CHD8: variants seen among roughly 807,000 people sequenced by gnomAD.
The protein encoded by CHD8 is ATP-dependent chromatin remodeler CHD8.
In CHD8, 31 loss-of-function variants were observed where a neutral mutation model predicts 279.2. The observed-to-expected ratio is 0.11, with a 90% CI of 0.08 to 0.15. The LOEUF is 0.15. Ranked by LOEUF, CHD8 falls within the 10% of genes least tolerant of loss-of-function variation. The pLI, the probability that CHD8 is intolerant of heterozygous loss-of-function variation, is 1.00. For synonymous variants in CHD8, 1,081 were observed against 1,139.6 expected (o/e 0.95, Z 1.04); for missense variants, 2,146 against 3,230.5 (o/e 0.66, Z 8.14).
At chr14:21,398,697 G>A (rs1415148807) in intron 26 of CHD8, 1 of 152,236 alleles carries the variant, frequency 6.6e-6, no homozygotes, top group Non-Finnish European at 1.5e-5. Context: ...CCTGGGATTT[G>A]GCATTAGGCA....
At chr14:21,389,059 T>C (rs1164568614) in intron 37 of CHD8, among the ~76,000 whole-genome samples, 3 of 151,620 alleles carry the variant, frequency 2.0e-5, no homozygotes, top group Non-Finnish European at 2.9e-5. Flanking sequence ...CCCAACACTT[T>C]GGGAGGCTGA....
chr14:21,397,852 C>T lies in CHD8; in HGVS notation c.5022G>A (p.Val1674=). ...CTACTATGTCAGAGAAGTTATCCAA[C>T]ACTCGATGTTCTGCTGCAATTGCTT... ...DDKAIAAEHR[V]LDNFSDIVEG... The change falls in exon 27 of 38, where the codon GTG becomes GTA. Residue 1674 remains valine (V), a synonymous_variant. Transcript: ENST00000646647. 6.2e-7 allele frequency: 1 copy of T among 1,613,630 alleles called. No homozygotes were observed. Among genetic ancestry groups the T allele is most frequent in the Non-Finnish European group, 8.5e-7 (1 of 1,179,728 alleles).
intron 9 of CHD8, 152 bp downstream of exon 9, chr14:21,414,149 G>C (rs139436038): frequency 4.0e-5 from 24 of 596,722 alleles, no homozygotes; most frequent in African/African-American, 3.0e-4. Context: ...TGCAAGGGCA[G>C]TTAAGTAAGG....
In CHD8 at chr14:21,385,769, C is replaced by G; in HGVS notation, c.7590G>C (p.Arg2530=). 1 of 1,550,804 alleles carries G rather than the reference C, an allele frequency of 6.4e-7. No homozygotes were observed. Among genetic ancestry groups the G allele is most frequent in the Non-Finnish European group, 8.7e-7 (1 of 1,146,808 alleles). ...CCTCCTCAGGTTGCAGTGGTGGCAA[C>G]CGCAAGGTAGTACCAGAGGCGGTAG... is the stretch of plus-strand genomic sequence containing the variant. ...PVTTASGTTL[R]LPPLQPEEDD... Residue 2530 remains arginine (R), a synonymous_variant, in exon 38 of 38, where the codon CGG becomes CGC. Coordinates refer to ENST00000646647, the MANE Select transcript of CHD8 (RefSeq NM_001170629.2).
chr14:21,385,562 A>T lies in CHD8; in HGVS notation c.*51T>A. The T allele has an allele frequency of 1.3e-6, 2 of 1,515,862 alleles. No individual in the cohort carries two copies. Among genetic ancestry groups the T allele is most frequent in the Non-Finnish European group, 1.8e-6 (2 of 1,131,134 alleles). The allele number at this position is 1,515,862 out of a possible 1,614,324, so 93.9% of individuals were successfully genotyped here. On this transcript the variant is annotated 3_prime_UTR_variant, in exon 38 of 38. Coordinates refer to ENST00000646647, the MANE Select transcript of CHD8 (RefSeq NM_001170629.2). ...CACGTTTCCATAGTCCAAGGGCCAG[A>T]GTAAATGAAAATACAGCAGCCGCCC...
rs1404291956 is a variant in CHD8, at chr14:21,415,510, T to A, written c.1968+64A>T. 13 of 781,602 alleles carry A rather than the reference T, an allele frequency of 1.7e-5. No homozygotes were observed. In the African/African-American group the frequency reaches 2.1e-4, roughly 13 times the overall value. 48.4% of individuals were successfully genotyped at this position (781,602 alleles called of 1,614,324 possible). A position where few individuals can be genotyped will look rare whatever the true frequency, so the allele number is the denominator to read the frequency against. On this transcript the variant is annotated intron_variant, in intron 7 of 37. Transcript: ENST00000646647. ...ACACAGTTAGACTCTATTTCAAAAATAAATAAATAAATAAATAAATAAATA... is the reference window on the plus strand; with the variant it reads ...ACACAGTTAGACTCTATTTCAAAAAAAAATAAATAAATAAATAAATAAATA...
chr14:21,411,968 G>A (rs1310375137), intron 10 of CHD8, among the ~76,000 whole-genome samples: 1 of 151,736 alleles, frequency 6.6e-6, no homozygotes, highest in Non-Finnish European at 1.5e-5. Flanking sequence ...GGAGGCTGAG[G>A]CATGAGAATT....
In CHD8 at chr14:21,409,738, T is replaced by G. The variant is rs1594352679; in HGVS notation, c.2364+113A>C. 4 of 988,864 alleles carry G rather than the reference T, an allele frequency of 4.0e-6. No homozygotes were observed. In the East Asian group the frequency reaches 9.7e-5, roughly 24 times the overall value. 61.3% of individuals were successfully genotyped at this position (988,864 alleles called of 1,614,324 possible). A position where few individuals can be genotyped will look rare whatever the true frequency, so the allele number is the denominator to read the frequency against. ...GTACATTATACCATTTCTTCGATTT[T>G]TATATGTTTGAAATTTCCATAATAA... On this transcript the variant is annotated intron_variant, in intron 11 of 37. Coordinates refer to ENST00000646647, the MANE Select transcript of CHD8 (RefSeq NM_001170629.2).
intron 14 of CHD8, among the ~76,000 whole-genome samples, chr14:21,406,312 A>G (rs111272195): frequency 0.032 from 4,809 of 152,290 alleles, 249 homozygotes; most frequent in African/African-American, 0.11. Flanking sequence ...GAATGTAGCA[A>G]AAGTGACACT....
chr14:21,405,194 C>CA lies in CHD8; in HGVS notation c.3307+14dup. The CA allele has an allele frequency of 1.2e-6, 2 of 1,612,584 alleles. No homozygotes were observed. Among genetic ancestry groups the CA allele is most frequent in the Non-Finnish European group, 1.7e-6 (2 of 1,178,974 alleles). ...GTACTACAGAAGTTCAGGTATATAC[C>CA]AAGCATTCCCTCACCATTGATGAGA... On this transcript the variant is annotated intron_variant, in intron 16 of 37. Coordinates refer to ENST00000646647, the MANE Select transcript of CHD8 (RefSeq NM_001170629.2). This position sits in a 1 kb window ranked among gnomAD's most constrained non-coding sequence, Gnocchi z 4.2.
Position 21,401,424 on chromosome 14 carries a change from G to T in CHD8, c.4152C>A (p.Asp1384Glu). 1 of 1,597,960 alleles carries T rather than the reference G, an allele frequency of 6.3e-7. No homozygotes were observed. The highest frequency in any genetic ancestry group is 8.5e-7 in the Non-Finnish European group (1 of 1,171,502). ...TCACCTTGCTGTTGAGCAGATCCATGTCTAGGTCAGCCTTTTTGGCCCACT... is the reference window on the plus strand; with the variant it reads ...TCACCTTGCTGTTGAGCAGATCCATTTCTAGGTCAGCCTTTTTGGCCCACT... ...WQKWAKKADLDMDLLNSKNNL... is the reference protein window; with the variant it reads ...WQKWAKKADLEMDLLNSKNNL... The change falls in exon 21 of 38, where the codon GAC (aspartate) becomes GAA (glutamate). Residue 1384 changes from aspartate (D) to glutamate (E), a missense_variant. This residue lies in a region of CHD8 where 74 missense variants were observed against 91.5 expected (regional missense o/e 0.81). Transcript: ENST00000646647.
At chr14:21,407,514 A>G (rs1888300747) in intron 13 of CHD8, among the ~76,000 whole-genome samples, 2 of 152,388 alleles carry the variant, frequency 1.3e-5, no homozygotes, top group South Asian at 4.1e-4. Context: ...GAAATAAAAA[A>G]AAGAAAACTA....
At chr14:21,426,501 C>T in intron 4 of CHD8, 3 of 388,160 alleles carry the variant, frequency 7.7e-6, no homozygotes, top group Non-Finnish European at 9.2e-6. Context: ...AGGAAGGTAG[C>T]ACAAGATAGG....
In CHD8 at chr14:21,431,267, T is replaced by C. The variant is rs1297005540; in HGVS notation, c.377A>G (p.Gln126Arg). The C allele has an allele frequency of 1.3e-6, 2 of 1,590,732 alleles. No homozygotes were observed. Among genetic ancestry groups the C allele is most frequent in the East Asian group, 2.2e-5 (1 of 44,578 alleles). ...TSGLLQVSKS[Q>R]EILSQGNPFM... ...AGGATTCCCTTGGCTCAGGATCTCC[T>C]GGCTCTTGGAGACTTGCAAAAGTCC... The change falls in exon 2 of 38, where the codon CAG becomes CGG. Residue 126 changes from glutamine (Q) to arginine (R), a missense_variant. By Grantham distance (43) the Gln-to-Arg change is conservative. Around this residue, in one of 26 missense-constraint regions of CHD8, gnomAD observed 302 missense variants for 325.5 expected, o/e 0.93. Transcript: ENST00000646647.
chr14:21,407,744 G>A (rs2139480271), intron 13 of CHD8, among the ~76,000 whole-genome samples: 1 of 152,118 alleles, frequency 6.6e-6, no homozygotes, highest in African/African-American at 2.4e-5. Context: ...GAATAGCTGG[G>A]ATTACAGGTG....
intron 2 of CHD8, 35 bp from the exon 3 acceptor site, chr14:21,429,370 A>G (rs749159202): frequency 1.3e-6 from 2 of 1,598,576 alleles, no homozygotes; most frequent in Non-Finnish European, 1.7e-6. Flanking sequence ...AGAGTACAAC[A>G]TTAAAGAATG....
rs867856476 is a variant in CHD8, at chr14:21,440,571, A to G, written c.-215-8713T>C. On this transcript the variant is annotated intron_variant, in intron 1 of 37. Coordinates refer to ENST00000646647, the MANE Select transcript of CHD8 (RefSeq NM_001170629.2). The stretch of plus-strand genomic sequence containing the variant: ...GTGGGAGGGAAAGGTGGGCTGTAAG[A>G]AAGGGATATTCAGGCAGCAGGGACA... Among the ~76,000 whole-genome samples the G allele has an allele frequency of 3.5e-4, 53 of 152,278 alleles. No individual in the cohort carries two copies. In the Middle Eastern group the frequency reaches 0.01, roughly 29 times the overall value.
rs1425574791 is a variant in CHD8, at chr14:21,451,117, C to A, written c.-216+4915G>T. Among the ~76,000 whole-genome samples, 7 of 152,158 alleles carry A rather than the reference C, an allele frequency of 4.6e-5. No homozygotes were observed. The South Asian group carries it at 1.4e-3, about 31-fold the overall frequency. ...ACCCTTTCTTAATAATTACACATAACAGTAAATCATAGTTCTGGAAACTCT... is the reference window on the plus strand; with the variant it reads ...ACCCTTTCTTAATAATTACACATAAAAGTAAATCATAGTTCTGGAAACTCT... On this transcript the variant is annotated intron_variant, in intron 1 of 37. Transcript: ENST00000646647.
rs780891475 is a variant in CHD8 at position 21,391,624 on chromosome 14, C to T, written c.6904G>A (p.Glu2302Lys). 6.3e-7 allele frequency: 1 copy of T among 1,598,804 alleles called. No homozygotes were observed. The highest frequency in any genetic ancestry group is 8.5e-7 in the Non-Finnish European group (1 of 1,172,054). ...TCCACATCAAGGTGATTAGGCTCTT[C>T]CATGCACTCCACCTCCAGCTGCAAA... Reference protein sequence around the residue: ...KLVELEVECMEEPNHLDVDLE... With the variant: ...KLVELEVECMKEPNHLDVDLE... The change falls in exon 36 of 38, where the codon GAA becomes AAA. Residue 2302 changes from glutamate (E) to lysine (K), a missense_variant. Physicochemically the swap from Glu to Lys is moderately conservative, Grantham distance 56. Transcript: ENST00000646647.
Sources: gnomAD v4.1 joint callset for allele counts (sites outside exome capture counted in the v4.1 genomes callset) on GRCh38, gnomAD v4.1.1 for gene constraint, gnomAD v4.1.1 regional missense constraint, Gnocchi (gnomAD v3.1) non-coding constraint, MANE v1.5 for transcripts, NCBI Gene and HGNC (gene_info 2026-07-23, HGNC 2026-07-21) for gene names.